Variants in ADAMTSL1 observed in about 807,000 individuals in gnomAD.
ADAMTSL1 encodes ADAMTS like 1, also known as ADAMTS-like protein 1.
Under a neutral mutation model 201.8 loss-of-function variants are expected in ADAMTSL1, and 126 were observed. The observed-to-expected ratio is 0.62, with a 90% CI of 0.54 to 0.72. ADAMTSL1 has a LOEUF of 0.72. ADAMTSL1 is among the 30% of genes least tolerant of loss of function. ADAMTSL1 has a pLI of 0.00. For missense variants in ADAMTSL1, 2,679 were observed against 2,277.8 expected (o/e 1.18, Z -3.59); for synonymous variants, 1,121 against 903.4 (o/e 1.24, Z -4.32).
chr9:18,587,020 C>T lies in ADAMTSL1; in HGVS notation c.474+12754C>T, dbSNP rs1823543210. ...CTGTGGAAGACAACGTAGGCAATAC[C>T]ATTCTGGACATAGGAACTGGCAAAT... On this transcript the variant is annotated intron_variant, in intron 4 of 28. Transcript: ENST00000380548. Among the ~76,000 whole-genome samples the T allele has an allele frequency of 2.0e-5, 3 of 151,798 alleles. No individual in the cohort carries two copies. In the South Asian group the frequency reaches 6.2e-4, roughly 32 times the overall value.
chr9:18,289,175 A>AT (rs1554650792), intron 2 of ADAMTSL1, among the ~76,000 whole-genome samples: 41 of 117,218 alleles, frequency 3.5e-4, no homozygotes, highest in African/African-American at 1.2e-3. Context: ...CTATCTATCT[A>AT]CCTACCTATC....
chr9:18,543,476 T>C (rs1820283763), intron 3 of ADAMTSL1, among the ~76,000 whole-genome samples: 1 of 152,186 alleles, frequency 6.6e-6, no homozygotes, highest in African/African-American at 2.4e-5. Context: ...CAAGGCTAAA[T>C]AAGCTTTCAG....
At chr9:18,174,687 G>T (rs1563785499) in intron 2 of ADAMTSL1, among the ~76,000 whole-genome samples, 1 of 151,994 alleles carries the variant, frequency 6.6e-6, no homozygotes, top group Non-Finnish European at 1.5e-5. Context: ...ATTGTAATCG[G>T]GCTGACCAAC....
At chr9:18,579,560 A>C (rs1430658803) in intron 4 of ADAMTSL1, among the ~76,000 whole-genome samples, 2 of 152,238 alleles carry the variant, frequency 1.3e-5, no homozygotes, top group African/African-American at 2.4e-5. Flanking sequence ...TACTTGTATT[A>C]ATTGTACCCA....
chr9:18,890,677 A>T, intron 25 of ADAMTSL1: 1 of 449,438 alleles, frequency 2.2e-6, no homozygotes, highest in South Asian at 1.6e-5. Flanking sequence ...GTCCTTTTAT[A>T]CCCTTCCTGA....
At chr9:18,012,867 A>G (rs1392269939) in intron 1 of ADAMTSL1, among the ~76,000 whole-genome samples, 1 of 152,002 alleles carries the variant, frequency 6.6e-6, no homozygotes, top group Admixed American at 6.6e-5. Flanking sequence ...CTTAATGTGT[A>G]TAATGTAAAT....
At chr9:18,129,728 A>G (rs1479031885) in intron 1 of ADAMTSL1, among the ~76,000 whole-genome samples, 2 of 152,210 alleles carry the variant, frequency 1.3e-5, no homozygotes, top group African/African-American at 2.4e-5. Flanking sequence ...ATGGATGACG[A>G]TTAAATTCCT....
At chr9:18,828,698 T>TATATATATA (rs1491367300) in intron 22 of ADAMTSL1, among the ~76,000 whole-genome samples, 1 of 49,994 alleles carries the variant, frequency 2.0e-5, no homozygotes, top group Non-Finnish European at 4.8e-5. Context: ...ATATATAAAA[T>TATATATATA]GTGTGTGTGT....
intron 2 of ADAMTSL1, among the ~76,000 whole-genome samples, chr9:18,296,347 A>T (rs1380462405): frequency 6.6e-6 from 1 of 152,202 alleles, no homozygotes; most frequent in Admixed American, 6.5e-5. Context: ...AATTTGGATA[A>T]CAAGGAATAT....
intron 1 of ADAMTSL1, among the ~76,000 whole-genome samples, chr9:18,049,671 T>A (rs1821837138): frequency 6.6e-6 from 1 of 151,814 alleles, no homozygotes; most frequent in African/African-American, 2.4e-5. Context: ...TCACCCAGGC[T>A]GCAGTGCAGC....
intron 17 of ADAMTSL1, among the ~76,000 whole-genome samples, chr9:18,774,466 G>A (rs1448995109): frequency 1.3e-5 from 2 of 151,696 alleles, no homozygotes; most frequent in Non-Finnish European, 2.9e-5. Context: ...TCTGATCCCT[G>A]TTTCTCTGCA....
intron 1 of ADAMTSL1, among the ~76,000 whole-genome samples, chr9:18,490,545 T>G (rs1470201387): frequency 6.6e-6 from 1 of 152,024 alleles, no homozygotes; most frequent in Non-Finnish European, 1.5e-5. Flanking sequence ...TCCTGGAGAT[T>G]GGAAGAGACG....
chr9:17,949,795 C>T (rs1277875822), intron 1 of ADAMTSL1, among the ~76,000 whole-genome samples: 4 of 152,116 alleles, frequency 2.6e-5, no homozygotes, highest in Admixed American at 2.0e-4. Flanking sequence ...GTAAAGATAG[C>T]CAGGTGGATT....
At chr9:18,190,172 G>A (rs1828913415) in intron 2 of ADAMTSL1, among the ~76,000 whole-genome samples, 1 of 152,168 alleles carries the variant, frequency 6.6e-6, no homozygotes, top group Non-Finnish European at 1.5e-5. Context: ...CTCCAACTAT[G>A]TCATAGATTA....
chr9:18,351,253 CAA>C (rs199510703), intron 2 of ADAMTSL1, among the ~76,000 whole-genome samples: 14 of 120,870 alleles, frequency 1.2e-4, no homozygotes, highest in African/African-American at 3.4e-4. Flanking sequence ...GATGAAAGAC[CAA>C]AAAAAAAAAG....
At chr9:18,612,890 C>G (rs1044472808) in intron 4 of ADAMTSL1, among the ~76,000 whole-genome samples, 9 of 152,146 alleles carry the variant, frequency 5.9e-5, no homozygotes, top group African/African-American at 1.9e-4. Flanking sequence ...TAACAAACTT[C>G]TACACAGCGA....
intron 2 of ADAMTSL1, among the ~76,000 whole-genome samples, chr9:18,389,755 ATAT>A (rs139667825): frequency 0.02 from 3,081 of 152,322 alleles, 97 homozygotes; most frequent in African/African-American, 0.07. Flanking sequence ...GATGGCCATC[ATAT>A]TATTGTTGGA....
chr9:18,188,717 C>A (rs1828845516), intron 2 of ADAMTSL1, among the ~76,000 whole-genome samples: 1 of 152,184 alleles, frequency 6.6e-6, no homozygotes, highest in Admixed American at 6.5e-5. Context: ...GTCAACCCTC[C>A]TTGGTGCTTT....
chr9:18,133,772 G>A (rs542711367), intron 1 of ADAMTSL1, among the ~76,000 whole-genome samples: 44 of 152,130 alleles, frequency 2.9e-4, no homozygotes, highest in Non-Finnish European at 4.9e-4. Context: ...TTACACACAC[G>A]GAAATCATTA....
Sources: allele counts gnomAD v4.1 joint callset (sites outside exome capture counted in the v4.1 genomes callset), GRCh38; gene constraint gnomAD v4.1.1; transcripts MANE v1.5; gene names NCBI Gene and HGNC (gene_info 2026-07-23, HGNC 2026-07-21).